The following NALF1 variants were observed in gnomAD, a reference collection of about 807,000 sequenced individuals.
NALF1 encodes NALCN channel auxiliary factor 1.
NALF1 carries 3 observed loss-of-function variants against 48.4 expected under a neutral mutation model. That is an observed-to-expected ratio of 0.06 (90% confidence interval 0.03 to 0.16). The LOEUF is 0.16. NALF1 is among the 10% of genes least tolerant of loss of function. The pLI, the probability that NALF1 is intolerant of heterozygous loss-of-function variation, is 1.00. For synonymous variants in NALF1, 262 were observed against 245.7 expected (o/e 1.07, Z -0.62); for missense variants, 526 against 571.5 (o/e 0.92, Z 0.81).
At chr13:107,515,212 C>T (rs1415108443) in intron 1 of NALF1, among the ~76,000 whole-genome samples, 1 of 152,142 alleles carries the variant, frequency 6.6e-6, no homozygotes, top group African/African-American at 2.4e-5. Flanking sequence ...TCACAGAAAA[C>T]TGGGTGGCAT....
intron 1 of NALF1, among the ~76,000 whole-genome samples, chr13:107,469,606 T>C (rs1019441023): frequency 4.6e-5 from 7 of 152,142 alleles, no homozygotes; most frequent in Non-Finnish European, 8.8e-5. Context: ...CCAAGTACAA[T>C]ATAAATATTA....
At chr13:107,332,011 T>C (rs1882478342) in intron 1 of NALF1, among the ~76,000 whole-genome samples, 1 of 152,208 alleles carries the variant, frequency 6.6e-6, no homozygotes, top group Non-Finnish European at 1.5e-5. Flanking sequence ...AATATGTTCT[T>C]TAGAAATAAT....
chr13:107,789,780 G>A (rs979883238), intron 1 of NALF1, among the ~76,000 whole-genome samples: 1 of 152,180 alleles, frequency 6.6e-6, no homozygotes, highest in Non-Finnish European at 1.5e-5. Context: ...CATGCTCTCT[G>A]CACGGCAATA....
chr13:107,584,221 A>G lies in NALF1; in HGVS notation c.915+281461T>C, dbSNP rs146194710. ...ATTGGTCAAATAATCATCTGTGAAT[A>G]TAAGATTAATACGTACCTGATACAC... On this transcript the variant is annotated intron_variant, in intron 1 of 2. Transcript: ENST00000375915. Among the ~76,000 whole-genome samples, 424 of 152,302 alleles carry G rather than the reference A, an allele frequency of 2.8e-3. 2 individuals are homozygous for G. Among genetic ancestry groups the G allele is most frequent in the South Asian group, 6.4e-3 (31 of 4,830 alleles).
At chr13:107,679,726 C>T (rs9583190) in intron 1 of NALF1, among the ~76,000 whole-genome samples, 78,558 of 151,920 alleles carry the variant, frequency 0.52, 20,630 homozygotes, top group Admixed American at 0.59. Context: ...TTCCCTGGTG[C>T]CTCCATTTTT....
At chr13:107,243,135 G>T (rs1337472261) in intron 1 of NALF1, among the ~76,000 whole-genome samples, 1 of 152,080 alleles carries the variant, frequency 6.6e-6, no homozygotes, top group African/African-American at 2.4e-5. Context: ...CCCCTGTCAG[G>T]CCTCGTCCTG....
In NALF1 at chr13:107,837,698, G is replaced by A. The variant is rs1179530533; in HGVS notation, c.915+27984C>T. Among the ~76,000 whole-genome samples the A allele has an allele frequency of 4.6e-5, 7 of 152,186 alleles. No individual in the cohort carries two copies. In the East Asian group the frequency reaches 1.4e-3, roughly 30 times the overall value. On this transcript the variant is annotated intron_variant, in intron 1 of 2. Transcript: ENST00000375915. ...CCACCAGCTGCGCAGACTCCCAGGAGTCAGCGTGACATCTGCTTTCTCTCC... is the reference window on the plus strand; with the variant it reads ...CCACCAGCTGCGCAGACTCCCAGGAATCAGCGTGACATCTGCTTTCTCTCC...
intron 1 of NALF1, among the ~76,000 whole-genome samples, chr13:107,818,420 T>A (rs1879240089): frequency 6.6e-6 from 1 of 151,922 alleles, no homozygotes; most frequent in Admixed American, 6.6e-5. Flanking sequence ...GGAAGTAGGG[T>A]CTGCACATAG....
intron 2 of NALF1, among the ~76,000 whole-genome samples, chr13:107,209,972 A>G (rs1435899145): frequency 6.6e-6 from 1 of 152,166 alleles, no homozygotes; most frequent in Non-Finnish European, 1.5e-5. Flanking sequence ...AAATATCCAG[A>G]AAAGGAGTGC....
chr13:107,447,358 C>T (rs1205211105), intron 1 of NALF1, among the ~76,000 whole-genome samples: 4 of 152,178 alleles, frequency 2.6e-5, no homozygotes, highest in South Asian at 4.1e-4. Flanking sequence ...TGACCACCTA[C>T]AGGTGTTGTT....
intron 2 of NALF1, among the ~76,000 whole-genome samples, chr13:107,197,895 T>G (rs1477856452): frequency 6.6e-6 from 1 of 152,200 alleles, no homozygotes; most frequent in Non-Finnish European, 1.5e-5. Flanking sequence ...GAAACCAATT[T>G]TCCTGGTAAG....
At chr13:107,767,025 G>A (rs1044479057) in intron 1 of NALF1, among the ~76,000 whole-genome samples, 9 of 152,012 alleles carry the variant, frequency 5.9e-5, no homozygotes, top group African/African-American at 1.7e-4. Flanking sequence ...ACAACCAAAC[G>A]GGTAAGACAG....
intron 1 of NALF1, among the ~76,000 whole-genome samples, chr13:107,683,572 AGTGGG>A (rs1881357190): frequency 6.6e-6 from 1 of 152,192 alleles, no homozygotes; most frequent in Non-Finnish European, 1.5e-5. Context: ...GGAAGCCTGC[AGTGGG>A]GACGGAGAAT....
chr13:107,271,416 G>A (rs1594098705), intron 1 of NALF1, among the ~76,000 whole-genome samples: 1 of 151,988 alleles, frequency 6.6e-6, no homozygotes, highest in South Asian at 2.1e-4. Flanking sequence ...GCAAACTGAG[G>A]GCAGCCCTCC....
intron 1 of NALF1, among the ~76,000 whole-genome samples, chr13:107,428,089 A>G (rs1027961091): frequency 6.6e-6 from 1 of 152,180 alleles, no homozygotes; most frequent in Admixed American, 6.5e-5. Flanking sequence ...AGGGAGGATG[A>G]GCTCATCCTT....
chr13:107,321,954 C>T (rs575455332), intron 1 of NALF1, among the ~76,000 whole-genome samples: 1 of 152,044 alleles, frequency 6.6e-6, no homozygotes, highest in Non-Finnish European at 1.5e-5. Context: ...ATTAATGGAG[C>T]CTTAACCCCT....
chr13:107,684,516 CAG>C (rs1881384367), intron 1 of NALF1, among the ~76,000 whole-genome samples: 1 of 152,136 alleles, frequency 6.6e-6, no homozygotes, highest in South Asian at 2.1e-4. Flanking sequence ...CAAGTGGAAT[CAG>C]AGAGTACCCA....
At chr13:107,772,327 G>A (rs767221189) in intron 1 of NALF1, among the ~76,000 whole-genome samples, 15 of 152,174 alleles carry the variant, frequency 9.9e-5, no homozygotes, top group Non-Finnish European at 2.1e-4. Flanking sequence ...TCTGGATAGG[G>A]ACCGCTTTCC....
chr13:107,373,649 T>C (rs1461356220), intron 1 of NALF1, among the ~76,000 whole-genome samples: 1 of 152,194 alleles, frequency 6.6e-6, no homozygotes, highest in Non-Finnish European at 1.5e-5. Flanking sequence ...TACTCAGCAC[T>C]CACGCCTTTC....
Sources: gnomAD v4.1 joint callset for allele counts (sites outside exome capture counted in the v4.1 genomes callset) on GRCh38, gnomAD v4.1.1 for gene constraint, MANE v1.5 for transcripts, NCBI Gene and HGNC (gene_info 2026-07-23, HGNC 2026-07-21) for gene names.